The following PCNX1 variants were observed in gnomAD, a reference collection of about 807,000 sequenced individuals.
PCNX1 encodes the protein pecanex 1, also known as pecanex-like protein 1.
In PCNX1, 78 loss-of-function variants were observed where a neutral mutation model predicts 242.2. That is an observed-to-expected ratio of 0.32 (90% CI 0.27 to 0.39). The LOEUF is 0.39. Ranked by LOEUF, PCNX1 falls within the 10% of genes least tolerant of loss-of-function variation. The pLI, the probability that PCNX1 is intolerant of heterozygous loss-of-function variation, is 1.00. For synonymous variants in PCNX1, 1,024 were observed against 1,032.9 expected (o/e 0.99, Z 0.17); for missense variants, 2,581 against 2,856.5 (o/e 0.90, Z 2.20).
At chr14:70,915,177 T>G (rs2056100972) in intron 1 of PCNX1, among the ~76,000 whole-genome samples, 1 of 152,138 alleles carries the variant, frequency 6.6e-6, no homozygotes. Flanking sequence ...CATTCCCGTG[T>G]AGATGAGCAG....
At chr14:70,928,678 C>T (rs547611428) in intron 1 of PCNX1, among the ~76,000 whole-genome samples, 1 of 152,164 alleles carries the variant, frequency 6.6e-6, no homozygotes. Context: ...TAGTGCCTCT[C>T]AAGTTATATT....
At chr14:71,070,238 C>T (rs142315577) in intron 26 of PCNX1, among the ~76,000 whole-genome samples, 1 of 152,314 alleles carries the variant, frequency 6.6e-6, no homozygotes, top group East Asian at 1.9e-4. Context: ...TCTGCAATTA[C>T]TTCCACCACT....
intron 26 of PCNX1, among the ~76,000 whole-genome samples, chr14:71,061,630 T>C (rs2061328289): frequency 6.6e-6 from 1 of 152,166 alleles, no homozygotes; most frequent in African/African-American, 2.4e-5. Flanking sequence ...TATGACTGCA[T>C]CAAGAACCTT....
intron 5 of PCNX1, 95 bp downstream of exon 5, chr14:70,969,205 C>T: frequency 4.1e-6 from 3 of 732,378 alleles, no homozygotes; most frequent in Non-Finnish European, 7.4e-6. Context: ...AAGTTTATAA[C>T]AATTTAATAT....
intron 26 of PCNX1, among the ~76,000 whole-genome samples, chr14:71,060,354 A>G (rs1240290339): frequency 6.6e-6 from 1 of 152,170 alleles, no homozygotes; most frequent in Non-Finnish European, 1.5e-5. Flanking sequence ...TATACTTTTT[A>G]TGGTTAGAAT....
At chr14:70,969,230 CAT>C (rs2058469855) in intron 5 of PCNX1, 120 bp downstream of exon 5, 1 of 679,584 alleles carries the variant, frequency 1.5e-6, no homozygotes, top group Non-Finnish European at 2.7e-6. Flanking sequence ...TTTAAGGAAA[CAT>C]TAACATAAAA....
chr14:70,926,091 A>T (rs1208079450), intron 1 of PCNX1, among the ~76,000 whole-genome samples: 2 of 152,134 alleles, frequency 1.3e-5, no homozygotes, highest in Non-Finnish European at 2.9e-5. Flanking sequence ...CTTGACCAAC[A>T]TATTATGTGA....
intron 3 of PCNX1, among the ~76,000 whole-genome samples, chr14:70,966,762 T>C (rs930990944): frequency 6.6e-5 from 10 of 152,242 alleles, no homozygotes; most frequent in Non-Finnish European, 1.5e-4. Flanking sequence ...TAGATGGGTA[T>C]GCATAAAATG....
intron 1 of PCNX1, among the ~76,000 whole-genome samples, chr14:70,941,946 T>C (rs990647126): frequency 6.6e-6 from 1 of 152,118 alleles, no homozygotes; most frequent in Non-Finnish European, 1.5e-5. Flanking sequence ...TGGGATATAA[T>C]CTCCTGGTGT....
Position 70,996,002 on chromosome 14 carries a change from T to A in PCNX1, c.2629+77T>A, listed in dbSNP as rs574168011. On this transcript the variant is annotated intron_variant, in intron 8 of 35. Transcript: ENST00000304743. Reference sequence around the variant, plus strand: ...TGATGGGTAACAATTGCAGTTCTTTTTTGAGATAGTTTCATTTTGGAACTA... The same window carrying A: ...TGATGGGTAACAATTGCAGTTCTTTATTGAGATAGTTTCATTTTGGAACTA... The A allele has an allele frequency of 8.3e-5, 89 of 1,067,594 alleles. 1 individual carries two copies. The Admixed American group carries it at 1.2e-3, about 14-fold the overall frequency. The allele number at this position is 1,067,594 out of a possible 1,614,324, so 66.1% of individuals were successfully genotyped here.
chr14:70,954,242 C>G (rs542920550), intron 2 of PCNX1, among the ~76,000 whole-genome samples: 90 of 152,198 alleles, frequency 5.9e-4, no homozygotes, highest in Non-Finnish European at 2.9e-5. Flanking sequence ...TTTCTGGGCT[C>G]TCTGTTCTGT....
At chr14:70,956,996 T>TATTATC (rs763387537) in intron 2 of PCNX1, among the ~76,000 whole-genome samples, 199 of 151,364 alleles carry the variant, frequency 1.3e-3, no homozygotes, top group Non-Finnish European at 2.3e-3. Context: ...TTTATTATAT[T>TATTATC]ATTATTATTA....
At chr14:71,066,626 C>G (rs756248047) in intron 26 of PCNX1, among the ~76,000 whole-genome samples, 1 of 152,160 alleles carries the variant, frequency 6.6e-6, no homozygotes. Flanking sequence ...ATTGCCCTGT[C>G]CAGAACGTCC....
intron 26 of PCNX1, among the ~76,000 whole-genome samples, chr14:71,068,649 T>G (rs1382805382): frequency 1.7e-5 from 2 of 120,144 alleles, no homozygotes; most frequent in Admixed American, 9.3e-5. Flanking sequence ...CATATATTGT[T>G]GCATGTATAG....
At chr14:71,068,598 G>GTGTGTGTGTGTA (rs1001587813) in intron 26 of PCNX1, among the ~76,000 whole-genome samples, 13 of 142,850 alleles carry the variant, frequency 9.1e-5, no homozygotes, top group African/African-American at 3.4e-4. Context: ...GTGCGTGTGT[G>GTGTGTGTGTGTA]TGTGTGTGTG....
intron 1 of PCNX1, among the ~76,000 whole-genome samples, chr14:70,928,876 A>G (rs964014377): frequency 4.6e-5 from 7 of 152,190 alleles, no homozygotes; most frequent in Admixed American, 2.6e-4. Context: ...CAGACATAGC[A>G]GTTTTTAAAA....
At chr14:71,100,013 A>C (rs1431810550) in intron 30 of PCNX1, among the ~76,000 whole-genome samples, 1 of 151,238 alleles carries the variant, frequency 6.6e-6, no homozygotes, top group Non-Finnish European at 1.5e-5. Context: ...TTTTTTTTTT[A>C]ATCTACCTTG....
At chr14:70,965,828 A>G (rs1595076993) in intron 3 of PCNX1, among the ~76,000 whole-genome samples, 1 of 152,246 alleles carries the variant, frequency 6.6e-6, no homozygotes, top group East Asian at 1.9e-4. Context: ...GTTAGAAGTA[A>G]CCTTTCTTCC....
At chr14:71,045,333 T>G in intron 20 of PCNX1, 50 bp downstream of exon 20, 1 of 1,299,232 alleles carries the variant, frequency 7.7e-7, no homozygotes, top group South Asian at 1.3e-5. Flanking sequence ...AGTTTTTCCC[T>G]TTGCTATATT....
Sources: allele counts gnomAD v4.1 joint callset (sites outside exome capture counted in the v4.1 genomes callset), GRCh38; gene constraint gnomAD v4.1.1; transcripts MANE v1.5; gene names NCBI Gene and HGNC (gene_info 2026-07-23, HGNC 2026-07-21).